The following ECD variants were observed in gnomAD, a reference collection of about 807,000 sequenced individuals.
ECD encodes the protein ecdysoneless cell cycle regulator, also known as protein ecdysoneless homolog.
A neutral mutation model predicts 77.2 loss-of-function variants in ECD; 59 were observed. The ratio of observed to expected loss-of-function variants is 0.76; its 90% CI spans 0.62 to 0.95. The LOEUF (loss-of-function observed/expected upper bound fraction) is 0.95, where lower values mean the gene tolerates loss of function less well. Among genes scored for constraint, ECD ranks in the 40% least tolerant of loss-of-function variants. ECD has a pLI of 0.00. For synonymous variants in ECD, 233 were observed against 267.4 expected (o/e 0.87, Z 1.26); for missense variants, 704 against 763.4 (o/e 0.92, Z 0.92).
At chr10:73,144,909 A>G (rs1843104006) in intron 9 of ECD, among the ~76,000 whole-genome samples, 1 of 152,194 alleles carries the variant, frequency 6.6e-6, no homozygotes, top group Non-Finnish European at 1.5e-5. Flanking sequence ...GAATAACTAA[A>G]AATATTCCCA....
chr10:73,152,364 G>C lies in ECD; in HGVS notation c.841C>G (p.Arg281Gly), dbSNP rs151023501. ...GGAGGCAGCCTGTATCCACTCCGCC[G>C]GTCTGGCACAAACCTTTGTTGCACC... ...QLVQQRFVPD[R>G]RSGYRLPPPS... The change falls in exon 7 of 14, where the codon CGG becomes GGG. Residue 281 changes from arginine to glycine, a missense_variant. Arg to Gly is a moderately radical substitution (Grantham distance 125, BLOSUM62 -2). This residue lies in a region of ECD where 559 missense variants were observed against 583.7 expected (regional missense o/e 0.96). Coordinates refer to ENST00000372979, the MANE Select transcript of ECD (RefSeq NM_007265.3). 1.9e-5 allele frequency: 31 copies of C among 1,613,818 alleles called. 1 individual carries two copies. The South Asian group carries it at 3.2e-4, about 17-fold the overall frequency.
chr10:73,147,637 G>A (rs751963664), intron 8 of ECD, among the ~76,000 whole-genome samples: 4 of 151,476 alleles, frequency 2.6e-5, no homozygotes, highest in South Asian at 2.1e-4. Context: ...CATATTCTTC[G>A]GGACTTTTCC....
At position 73,148,419 on chromosome 10, in the gene ECD, T is replaced by TA; in HGVS notation, c.913-16dup. The TA allele has an allele frequency of 6.9e-6, 11 of 1,603,652 alleles. No individual in the cohort carries two copies. Among genetic ancestry groups the TA allele is most frequent in the Non-Finnish European group, 9.4e-6 (11 of 1,175,702 alleles). On this transcript the variant is annotated splice_polypyrimidine_tract_variant and intron_variant, in intron 7 of 13. Transcript: ENST00000372979. ...AATCCATGAGCCTAGATGAGATAGG[T>TA]AGAATTTTTGTTACTAAGTTCCTTT...
At chr10:73,155,594 C>CTTT (rs537974204) in intron 5 of ECD, among the ~76,000 whole-genome samples, 15 of 124,818 alleles carry the variant, frequency 1.2e-4, no homozygotes, top group South Asian at 2.5e-4. Context: ...TAGGTTTCTA[C>CTTT]TTTTTTTTTT....
At position 73,136,814 on chromosome 10, in the gene ECD, C is replaced by T. The variant is rs1842978808; in HGVS notation, c.1594G>A (p.Glu532Lys). 1 of 1,613,974 alleles carries T rather than the reference C, an allele frequency of 6.2e-7. No homozygotes were observed. Among genetic ancestry groups the T allele is most frequent in the African/African-American group, 1.3e-5 (1 of 74,912 alleles). The part of the protein sequence containing the change: ...LDFETHEPGE[E>K]ASLKGTLDNL... ...TCAAGTGTTCCTTTCAGGGAAGCCT[C>T]TTCGCCAGGTTCGTGTGTTTCAAAG... Residue 532 changes from glutamate to lysine, a missense_variant, in exon 13 of 14, where the codon GAG becomes AAG. Physicochemically the swap from Glu to Lys is moderately conservative, Grantham distance 56 (BLOSUM62 1). This residue lies in a region of ECD where 142 missense variants were observed against 163.6 expected (regional missense o/e 0.87). Coordinates refer to ENST00000372979, the MANE Select transcript of ECD (RefSeq NM_007265.3).
intron 9 of ECD, among the ~76,000 whole-genome samples, chr10:73,145,059 A>C (rs2071070835): frequency 6.6e-6 from 1 of 152,174 alleles, no homozygotes; most frequent in African/African-American, 2.4e-5. Context: ...TGTATCCACA[A>C]TAATTAAAAA....
Position 73,138,290 on chromosome 10 carries a change from CTT to C in ECD, c.1422-222_1422-221del, listed in dbSNP as rs1428682648. ...GATAAATGAAAAGTAAAAATTGCAT[CTT>C]GTTTATGTACATTTAGCTTATGCTG... On this transcript the variant is annotated intron_variant, in intron 11 of 13. Transcript: ENST00000372979. Among the ~76,000 whole-genome samples the C allele has an allele frequency of 3.3e-5, 5 of 152,216 alleles. No individual in the cohort carries two copies. The East Asian group carries it at 9.6e-4, about 29-fold the overall frequency.
At chr10:73,139,808 T>C in intron 9 of ECD, 71 bp from the exon 10 acceptor site, 3 of 1,135,608 alleles carry the variant, frequency 2.6e-6, no homozygotes, top group Non-Finnish European at 3.8e-6. Flanking sequence ...ATACATAGTA[T>C]TTTAAGGTTG....
chr10:73,161,308 T>C (rs1471534822), intron 2 of ECD, among the ~76,000 whole-genome samples: 1 of 151,650 alleles, frequency 6.6e-6, no homozygotes, highest in South Asian at 2.1e-4. Context: ...ATTGACAAAC[T>C]ATTAACTTGA....
intron 6 of ECD, among the ~76,000 whole-genome samples, chr10:73,152,825 T>C (rs771502380): frequency 3.3e-5 from 5 of 151,554 alleles, no homozygotes; most frequent in Non-Finnish European, 7.4e-5. Flanking sequence ...AGCAGGAGAA[T>C]TGCTTGAACC....
intron 5 of ECD, among the ~76,000 whole-genome samples, chr10:73,155,646 T>C (rs935544802): frequency 8.1e-5 from 12 of 148,840 alleles, no homozygotes; most frequent in Admixed American, 4.1e-4. Context: ...TCGCCCAGGC[T>C]GGAGTGCAGT....
At chr10:73,166,313 T>C (rs936788137) in intron 1 of ECD, among the ~76,000 whole-genome samples, 3 of 152,246 alleles carry the variant, frequency 2.0e-5, no homozygotes, top group Non-Finnish European at 4.4e-5. Context: ...TTTGATATAC[T>C]GATTTCCTTT....
rs935206168 is a variant in ECD at position 73,134,381 on chromosome 10, G to C, written c.*202C>G. ...TCTAGGGGCTAGATTCTACCCTGCCGAGTTCAAAACCTGTGTATAACCCAC... is the reference window on the plus strand; with the variant it reads ...TCTAGGGGCTAGATTCTACCCTGCCCAGTTCAAAACCTGTGTATAACCCAC... On this transcript the variant is annotated 3_prime_UTR_variant, in exon 14 of 14. Coordinates refer to ENST00000372979, the MANE Select transcript of ECD (RefSeq NM_007265.3). 26 of 563,088 alleles carry C rather than the reference G, an allele frequency of 4.6e-5. No individual in the cohort carries two copies. Among genetic ancestry groups the C allele is most frequent in the Non-Finnish European group, 7.8e-5 (25 of 318,890 alleles). The allele number at this position is 563,088 out of a possible 1,614,324, so 34.9% of individuals were successfully genotyped here.
In ECD at chr10:73,134,480, T is replaced by A; in HGVS notation, c.*103A>T. The A allele has an allele frequency of 8.7e-7, 1 of 1,148,182 alleles. No homozygotes were observed. The allele number at this position is 1,148,182 out of a possible 1,614,324, so 71.1% of individuals were successfully genotyped here. A position where few individuals can be genotyped will look rare whatever the true frequency, so the allele number is the denominator to read the frequency against. On this transcript the variant is annotated 3_prime_UTR_variant, in exon 14 of 14. Transcript: ENST00000372979. ...TGGAGAAGTCAATCTGTAAAACTTG[T>A]AATGAAGAAACATTTTTACTAAATG...
At chr10:73,162,551 A>T (rs927135094) in intron 2 of ECD, among the ~76,000 whole-genome samples, 1 of 152,222 alleles carries the variant, frequency 6.6e-6, no homozygotes, top group Non-Finnish European at 1.5e-5. Context: ...AATAAAATTA[A>T]CAGTAAGATA....
chr10:73,147,185 C>T (rs1843141380), intron 8 of ECD, among the ~76,000 whole-genome samples: 1 of 152,144 alleles, frequency 6.6e-6, no homozygotes, highest in Admixed American at 6.5e-5. Context: ...ATCGAGGCTG[C>T]AGTGAGCTAT....
chr10:73,139,698 T>C lies in ECD; in HGVS notation c.1167A>G (p.Leu389=), dbSNP rs149336255. Residue 389 remains leucine, a synonymous_variant, in exon 10 of 14, where the codon TTA becomes TTG. Coordinates refer to ENST00000372979, the MANE Select transcript of ECD (RefSeq NM_007265.3). ...CTATATCAAATGGTATTGTCTGTAA[T>C]AAGGTTAAGATTTCTTCACCAGGGC... ...AMSPGEEILT[L]LQTIPFDIED... is the part of the protein sequence containing the mutation. 5 of 1,610,156 alleles carry C rather than the reference T, an allele frequency of 3.1e-6. No homozygotes were observed. In the African/African-American group the frequency reaches 6.7e-5, roughly 22 times the overall value.
chr10:73,148,152 GTCTCCTT>G (rs1267013967), intron 8 of ECD, 117 bp downstream of exon 8: 1 of 1,226,790 alleles, frequency 8.2e-7, no homozygotes, highest in Non-Finnish European at 1.1e-6. Context: ...AACTAGAAAG[GTCTCCTT>G]TAAGTCTAGC....
At chr10:73,162,324 C>T (rs1217069036) in intron 2 of ECD, among the ~76,000 whole-genome samples, 3 of 152,172 alleles carry the variant, frequency 2.0e-5, no homozygotes, top group Non-Finnish European at 4.4e-5. Flanking sequence ...CAGGATTTAG[C>T]ATCTGACTGA....
Sources: allele counts gnomAD v4.1 joint callset (sites outside exome capture counted in the v4.1 genomes callset), GRCh38; gene constraint gnomAD v4.1.1; regional missense constraint gnomAD v4.1.1; transcripts MANE v1.5; gene names NCBI Gene and HGNC (gene_info 2026-07-23, HGNC 2026-07-21).